The following OSBPL10 variants were observed in gnomAD, a reference collection of about 807,000 sequenced individuals.
The protein encoded by OSBPL10 is oxysterol binding protein like 10, also known as oxysterol-binding protein-related protein 10.
In OSBPL10, 49 loss-of-function variants were observed where a neutral mutation model predicts 81.7. The observed-to-expected ratio is 0.60, with a 90% CI of 0.48 to 0.76. The LOEUF (loss-of-function observed/expected upper bound fraction) is 0.76. Ranked by LOEUF, OSBPL10 falls within the 30% of genes least tolerant of loss-of-function variation. The probability of loss-of-function intolerance (pLI) is 0.00; values close to 1 mark genes in which losing one functional copy is unlikely to be tolerated. For missense variants in OSBPL10, 923 were observed against 987.8 expected (o/e 0.93, Z 0.88); for synonymous variants, 419 against 383.6 (o/e 1.09, Z -1.08).
rs190790679 is a variant in OSBPL10 at position 31,882,425 on chromosome 3, G to C, written c.282-2595C>G. ...CAGTAACAACATTGCCTGGGATCTT[G>C]TTAGAAATGGAAAATCTTGGGCCCC... On this transcript the variant is annotated intron_variant, in intron 1 of 11. Coordinates refer to ENST00000396556, the MANE Select transcript of OSBPL10 (RefSeq NM_017784.5). Among the ~76,000 whole-genome samples the C allele has an allele frequency of 7.9e-5, 12 of 152,310 alleles. 1 individual carries two copies. Among genetic ancestry groups the C allele is most frequent in the Admixed American group, 7.8e-4 (12 of 15,306 alleles).
chr3:31,980,065 C>T (rs911549200), intron 1 of OSBPL10, among the ~76,000 whole-genome samples: 5 of 151,022 alleles, frequency 3.3e-5, no homozygotes, highest in Admixed American at 2.0e-4. Flanking sequence ...ATTGCAATGG[C>T]GCGATCTCGG....
chr3:31,693,254 T>C (rs1375694847), intron 7 of OSBPL10, among the ~76,000 whole-genome samples: 1 of 152,116 alleles, frequency 6.6e-6, no homozygotes, highest in Non-Finnish European at 1.5e-5. Context: ...AAAATTTCCC[T>C]TTTACAAAAA....
At chr3:31,920,834 T>C (rs560919906) in intron 1 of OSBPL10, among the ~76,000 whole-genome samples, 1 of 152,216 alleles carries the variant, frequency 6.6e-6, no homozygotes, top group Non-Finnish European at 1.5e-5. Context: ...TCTCTCTTGT[T>C]CCCTCTCTCA....
At position 32,046,316 on chromosome 3, in the gene OSBPL10, G is replaced by A. The variant is rs115046766; in HGVS notation, n.298+175C>T. On this transcript the variant is annotated intron_variant and non_coding_transcript_variant, in intron 2 of 3. Transcript: ENST00000479173. The stretch of plus-strand genomic sequence containing the variant: ...CGCCCTCATCAAAATGTGTTAAAAT[G>A]TGTCCTGGTTGTCTCCCATCTATTC... 2.8e-3 allele frequency among the ~76,000 whole-genome samples: 423 copies of A among 152,312 alleles called. 3 individuals carry two copies. Among genetic ancestry groups the A allele is most frequent in the African/African-American group, 9.5e-3 (393 of 41,568 alleles).
At chr3:31,747,189 G>A (rs947139427) in intron 5 of OSBPL10, among the ~76,000 whole-genome samples, 12 of 151,744 alleles carry the variant, frequency 7.9e-5, no homozygotes, top group Non-Finnish European at 1.5e-4. Context: ...ATAAAATTTG[G>A]GCATGGTGGA....
chr3:31,828,781 C>A (rs548556146), intron 4 of OSBPL10, among the ~76,000 whole-genome samples: 1 of 152,196 alleles, frequency 6.6e-6, no homozygotes, highest in Non-Finnish European at 1.5e-5. Context: ...GATCCACCCA[C>A]CTTGGCCTCC....
chr3:32,055,536 G>A (rs145296941), intron 1 of OSBPL10, among the ~76,000 whole-genome samples: 208 of 152,152 alleles, frequency 1.4e-3, no homozygotes, highest in African/African-American at 4.5e-3. Flanking sequence ...ACAAAACTTG[G>A]ATTATATTTC....
chr3:31,856,957 T>C (rs1171250551), intron 3 of OSBPL10, among the ~76,000 whole-genome samples: 2 of 152,030 alleles, frequency 1.3e-5, no homozygotes, highest in Non-Finnish European at 2.9e-5. Flanking sequence ...GCACCTGTAT[T>C]CCCAGCTACG....
intron 3 of OSBPL10, among the ~76,000 whole-genome samples, chr3:31,853,014 T>G (rs981498419): frequency 6.6e-6 from 1 of 152,214 alleles, no homozygotes; most frequent in African/African-American, 2.4e-5. Context: ...AAATGCCTAC[T>G]GCCCAATGCA....
At chr3:31,900,066 C>A (rs1696188606) in intron 1 of OSBPL10, among the ~76,000 whole-genome samples, 1 of 148,930 alleles carries the variant, frequency 6.7e-6, no homozygotes, top group Admixed American at 6.7e-5. Context: ...GGCTCTGTCA[C>A]CCAGGCTGGG....
chr3:31,906,434 C>G (rs575743052), intron 1 of OSBPL10, among the ~76,000 whole-genome samples: 71 of 152,298 alleles, frequency 4.7e-4, no homozygotes, highest in African/African-American at 1.6e-3. Context: ...TTTGCCCTAA[C>G]AGATCCAGGG....
chr3:31,989,375 A>C (rs1447004844), intron 2 of OSBPL10: 2 of 1,614,062 alleles, frequency 1.2e-6, no homozygotes, highest in African/African-American at 2.7e-5. Flanking sequence ...CACATTGGAG[A>C]TTTTTGCTTC....
intron 3 of OSBPL10, among the ~76,000 whole-genome samples, chr3:31,852,382 A>C (rs572865958): frequency 1.4e-4 from 22 of 152,248 alleles, no homozygotes; most frequent in Non-Finnish European, 2.9e-4. Context: ...GCTCATGACA[A>C]CCGCTTCACA....
At chr3:31,665,500 GGACA>G (rs1318016116) in intron 10 of OSBPL10, among the ~76,000 whole-genome samples, 2 of 152,150 alleles carry the variant, frequency 1.3e-5, no homozygotes, top group Non-Finnish European at 2.9e-5. Context: ...GTCAGGCAGA[GGACA>G]GACAGATGGG....
chr3:31,965,743 T>C (rs1698356258), intron 1 of OSBPL10, among the ~76,000 whole-genome samples: 1 of 66,474 alleles, frequency 1.5e-5, no homozygotes, highest in South Asian at 5.8e-4. Flanking sequence ...TATCTATTTA[T>C]ATAATATATA....
intron 4 of OSBPL10, among the ~76,000 whole-genome samples, chr3:31,759,982 G>A (rs1404313730): frequency 1.3e-5 from 2 of 152,102 alleles, no homozygotes; most frequent in Admixed American, 6.6e-5. Context: ...GGCTGGTCTC[G>A]AACTCCTGAC....
At chr3:31,859,004 C>T (rs1226362246) in intron 3 of OSBPL10, among the ~76,000 whole-genome samples, 1 of 152,150 alleles carries the variant, frequency 6.6e-6, no homozygotes, top group Admixed American at 6.5e-5. Context: ...CTTAATATTA[C>T]TTAATCCTAA....
chr3:31,968,260 G>GA (rs57204442), intron 1 of OSBPL10, among the ~76,000 whole-genome samples: 46 of 150,354 alleles, frequency 3.1e-4, no homozygotes, highest in African/African-American at 7.8e-4. Context: ...GTCATTTATA[G>GA]AAAAAAAAAT....
At chr3:31,856,908 T>C (rs1700926160) in intron 3 of OSBPL10, among the ~76,000 whole-genome samples, 1 of 152,122 alleles carries the variant, frequency 6.6e-6, no homozygotes, top group Non-Finnish European at 1.5e-5. Context: ...AAACCCCGTC[T>C]CTACTAAAAA....
Sources: allele counts gnomAD v4.1 joint callset (sites outside exome capture counted in the v4.1 genomes callset), GRCh38; gene constraint gnomAD v4.1.1; transcripts MANE v1.5; gene names NCBI Gene and HGNC (gene_info 2026-07-23, HGNC 2026-07-21).